Variants in NSD2 observed in about 807,000 individuals in gnomAD.
The protein encoded by NSD2 is histone-lysine N-methyltransferase NSD2.
Under a neutral mutation model 139.0 loss-of-function variants are expected in NSD2, and 12 were observed. The observed-to-expected ratio is 0.09, with a 90% CI of 0.06 to 0.14. The LOEUF is 0.14. Ranked by LOEUF, NSD2 falls within the 10% of genes least tolerant of loss-of-function variation. NSD2 has a pLI of 1.00. For missense variants in NSD2, 1,155 were observed against 1,745.0 expected (o/e 0.66, Z 6.02); for synonymous variants, 669 against 648.7 (o/e 1.03, Z -0.48).
rs1315747892 is a variant in NSD2 at position 1,942,036 on chromosome 4, T to G, written c.1881+2258T>G. 2.6e-6 allele frequency: 3 copies of G among 1,157,704 alleles called. No individual in the cohort carries two copies. In the African/African-American group the frequency reaches 4.7e-5, roughly 18 times the overall value. 71.7% of individuals were successfully genotyped at this position (1,157,704 alleles called of 1,614,324 possible). A position where few individuals can be genotyped will look rare whatever the true frequency, so the allele number is the denominator to read the frequency against. On this transcript the variant is annotated intron_variant, in intron 9 of 21. Transcript: ENST00000508803. This position sits in a 1 kb window ranked among gnomAD's most constrained non-coding sequence, Gnocchi z 4.0. The stretch of plus-strand genomic sequence containing the variant: ...TCACACCCCCTTTGCATGTTTGTAT[T>G]TCCTCCCTTTCATCACATTTGTTTG...
intron 12 of NSD2, 77 bp downstream of exon 12, chr4:1,953,601 G>A: frequency 6.7e-7 from 1 of 1,488,264 alleles, no homozygotes; most frequent in Non-Finnish European, 8.9e-7. Flanking sequence ...TTGGGAAGGT[G>A]GGCTGTTGGG....
intron 1 of NSD2, among the ~76,000 whole-genome samples, chr4:1,875,068 C>G (rs1302110132): frequency 1.3e-5 from 2 of 152,102 alleles, no homozygotes; most frequent in African/African-American, 2.4e-5. Flanking sequence ...CTCAAGCTTT[C>G]CTCCCAGCTC....
At position 1,973,137 on chromosome 4, in the gene NSD2, G is replaced by A. The variant is rs531249088; in HGVS notation, c.3373-1726G>A. Among the ~76,000 whole-genome samples the A allele has an allele frequency of 6.6e-6, 1 of 152,270 alleles. No individual in the cohort carries two copies. The highest frequency in any genetic ancestry group is 1.9e-4 in the East Asian group (1 of 5,192). On this transcript the variant is annotated intron_variant, in intron 18 of 21. Coordinates refer to ENST00000508803, the MANE Select transcript of NSD2 (RefSeq NM_001042424.3). This position sits in a 1 kb window ranked among gnomAD's most constrained non-coding sequence, Gnocchi z 5.5. ...TGGGATTATAGGTGTGAGCCACCGC[G>A]CCCGGCCGACATATTGTTATAAAGG...
Position 1,955,189 on chromosome 4 carries a change from C to T in NSD2, c.2367C>T (p.Pro789=), listed in dbSNP as rs138529769. Residue 789 remains proline (P), a synonymous_variant, in exon 13 of 22, where the codon CCC becomes CCT. Coordinates refer to ENST00000508803, the MANE Select transcript of NSD2 (RefSeq NM_001042424.3). The surrounding 1 kb of genome is among the most constrained non-coding windows in gnomAD (Gnocchi z 4.7). ...KGKMMRCVRC[P]VAYHSGDACL... is the part of the protein sequence containing the mutation. The stretch of plus-strand genomic sequence containing the variant: ...AAATGATGCGGTGTGTCCGCTGCCC[C>T]GTTGCCTATCACAGCGGGGATGCTT... 2.5e-5 allele frequency: 41 copies of T among 1,613,248 alleles called. No homozygotes were observed. The African/African-American group carries it at 4.0e-4, about 16-fold the overall frequency.
At chr4:1,901,541 G>A (rs1302313143) in intron 2 of NSD2, among the ~76,000 whole-genome samples, 1 of 152,252 alleles carries the variant, frequency 6.6e-6, no homozygotes. Context: ...GTTTCTTAAC[G>A]TGGTTCTGCC....
chr4:1,888,972 A>G (rs1397061232), intron 1 of NSD2, among the ~76,000 whole-genome samples: 1 of 148,720 alleles, frequency 6.7e-6, no homozygotes, highest in Non-Finnish European at 1.5e-5. Context: ...ATCTCGGCTC[A>G]CTTGAACCTC....
At chr4:1,923,402 A>G (rs926611461) in intron 5 of NSD2, among the ~76,000 whole-genome samples, 3 of 152,182 alleles carry the variant, frequency 2.0e-5, no homozygotes, top group Non-Finnish European at 4.4e-5. Context: ...AGCCGAAACA[A>G]TTCTGAAGGA....
chr4:1,964,004 A>G (rs1725628314), intron 18 of NSD2, among the ~76,000 whole-genome samples: 1 of 152,244 alleles, frequency 6.6e-6, no homozygotes, highest in Non-Finnish European at 1.5e-5. Flanking sequence ...GTCTCTAAAC[A>G]AAACAAAAAT....
At chr4:1,943,772 A>G in intron 9 of NSD2, 2 of 1,060,000 alleles carry the variant, frequency 1.9e-6, no homozygotes, top group South Asian at 9.1e-5. Flanking sequence ...AAAAGATGGT[A>G]TAAAAATGGC....
At chr4:1,949,849 A>G (rs1724030895) in intron 9 of NSD2, among the ~76,000 whole-genome samples, 1 of 151,902 alleles carries the variant, frequency 6.6e-6, no homozygotes, top group African/African-American at 2.4e-5. Flanking sequence ...TTTTTCTTCC[A>G]CCGCTCCCTG....
intron 1 of NSD2, among the ~76,000 whole-genome samples, chr4:1,873,572 G>A (rs1384229211): frequency 6.6e-6 from 1 of 152,178 alleles, no homozygotes; most frequent in Non-Finnish European, 1.5e-5. Flanking sequence ...AATCTGAATA[G>A]GTAGAAGACA....
intron 1 of NSD2, chr4:1,899,440 A>G (rs1716874185): frequency 1.3e-5 from 2 of 152,230 alleles, no homozygotes; most frequent in Admixed American, 6.5e-5. Context: ...ATGCTTCCAG[A>G]TGAGGTTAAG....
intron 9 of NSD2, chr4:1,946,631 T>C (rs1723665506): frequency 1.9e-6 from 2 of 1,032,764 alleles, no homozygotes; most frequent in Non-Finnish European, 2.3e-6. Context: ...GTCAACGAAA[T>C]TGGTTTTGAT....
chr4:1,872,619 A>C (rs1214941520), intron 1 of NSD2, among the ~76,000 whole-genome samples: 3 of 145,776 alleles, frequency 2.1e-5, no homozygotes, highest in African/African-American at 5.0e-5. Context: ...AGAGAGAGAG[A>C]GAGAGAGAGA....
In NSD2 at chr4:1,956,770, C is replaced by A. The variant is rs965226910; in HGVS notation, c.2881+582C>A. On this transcript the variant is annotated intron_variant, in intron 15 of 21. Transcript: ENST00000508803. This position sits in a 1 kb window ranked among gnomAD's most constrained non-coding sequence, Gnocchi z 5.3. Reference sequence around the variant, plus strand: ...AGAGAATGAGGCCAGTAGAGAAAACCCGAGGTGTGTGCATGTGGCTCGTTC... The same window carrying A: ...AGAGAATGAGGCCAGTAGAGAAAACACGAGGTGTGTGCATGTGGCTCGTTC... Among the ~76,000 whole-genome samples, 1 of 152,162 alleles carries A rather than the reference C, an allele frequency of 6.6e-6. No individual in the cohort carries two copies. The highest frequency in any genetic ancestry group is 6.5e-5 in the Admixed American group (1 of 15,274).
chr4:1,917,465 C>T (rs1206086023), intron 4 of NSD2, among the ~76,000 whole-genome samples: 2 of 152,114 alleles, frequency 1.3e-5, no homozygotes, highest in Admixed American at 6.5e-5. Flanking sequence ...GATGGAGTTT[C>T]ACTCTTGTCG....
At chr4:1,929,608 T>TA (rs1187845763) in intron 5 of NSD2, among the ~76,000 whole-genome samples, 1 of 152,150 alleles carries the variant, frequency 6.6e-6, no homozygotes, top group Non-Finnish European at 1.5e-5. Flanking sequence ...TGGGAACAAA[T>TA]GCATGGGGCT....
chr4:1,889,635 G>T (rs1393604394), intron 1 of NSD2, among the ~76,000 whole-genome samples: 1 of 151,962 alleles, frequency 6.6e-6, no homozygotes, highest in African/African-American at 2.4e-5. Flanking sequence ...CCAGGTAACT[G>T]GGATTACAGG....
rs530707928 is a variant in NSD2 at position 1,882,667 on chromosome 4, A to AAAC, written c.-30+11146_-30+11148dup. Among the ~76,000 whole-genome samples, 1,139 of 152,096 alleles carry AAAC rather than the reference A, an allele frequency of 7.5e-3. 5 individuals are homozygous for AAAC. The highest frequency in any genetic ancestry group is 0.01 in the African/African-American group (421 of 41,482). ...CGACAGAGCAAGACCTCTGTCTCAA[A>AAAC]AACAACAACAACAACAACAACAAAA... On this transcript the variant is annotated intron_variant, in intron 1 of 21. Coordinates refer to ENST00000508803, the MANE Select transcript of NSD2 (RefSeq NM_001042424.3).
Sources: allele counts gnomAD v4.1 joint callset (sites outside exome capture counted in the v4.1 genomes callset), GRCh38; gene constraint gnomAD v4.1.1; non-coding constraint Gnocchi (gnomAD v3.1); transcripts MANE v1.5; gene names NCBI Gene and HGNC (gene_info 2026-07-23, HGNC 2026-07-21).